TGS1: variants seen among roughly 807,000 people sequenced by gnomAD.
The protein encoded by TGS1 is trimethylguanosine synthase.
Under a neutral mutation model 92.2 loss-of-function variants are expected in TGS1, and 69 were observed. The observed-to-expected ratio is 0.75, with a 90% CI of 0.62 to 0.91. The LOEUF (loss-of-function observed/expected upper bound fraction) is 0.91. TGS1 is among the 40% of genes least tolerant of loss of function. The pLI, the probability that TGS1 is intolerant of heterozygous loss-of-function variation, is 0.00. For missense variants in TGS1, 1,062 were observed against 1,001.2 expected (o/e 1.06, Z -0.82); for synonymous variants, 345 against 338.1 (o/e 1.02, Z -0.22).
intron 10 of TGS1, among the ~76,000 whole-genome samples, chr8:55,806,437 CTTATGATTTACTTAG>C (rs1812375836): frequency 6.7e-6 from 1 of 149,354 alleles, no homozygotes; most frequent in Admixed American, 6.7e-5. Context: ...ATGTAGTTTC[CTTATGATTTACTTAG>C]TAACAATTTT....
chr8:55,814,672 A>ATATAT (rs1203670071), intron 12 of TGS1, among the ~76,000 whole-genome samples: 25 of 126,872 alleles, frequency 2.0e-4, no homozygotes, highest in Middle Eastern at 3.9e-3. Flanking sequence ...AAAAAAAAAA[A>ATATAT]AAATATATAT....
chr8:55,803,484 A>G (rs1328587776), intron 9 of TGS1, among the ~76,000 whole-genome samples: 1 of 152,188 alleles, frequency 6.6e-6, no homozygotes, highest in Non-Finnish European at 1.5e-5. Flanking sequence ...AACAATTTGC[A>G]AAATGCTGTG....
At chr8:55,774,788 AAACAAAT>A (rs1811337085) in intron 1 of TGS1, among the ~76,000 whole-genome samples, 1 of 152,246 alleles carries the variant, frequency 6.6e-6, no homozygotes, top group Non-Finnish European at 1.5e-5. Context: ...GATGCTGTGA[AAACAAAT>A]AACTTTCCAA....
At chr8:55,814,550 G>A (rs545487928) in intron 12 of TGS1, among the ~76,000 whole-genome samples, 49 of 151,536 alleles carry the variant, frequency 3.2e-4, no homozygotes, top group Middle Eastern at 3.4e-3. Flanking sequence ...GGGGCTGGGT[G>A]TGATGGCTCA....
intron 12 of TGS1, among the ~76,000 whole-genome samples, chr8:55,818,955 C>T (rs1460444441): frequency 1.3e-5 from 2 of 151,996 alleles, no homozygotes; most frequent in Non-Finnish European, 2.9e-5. Context: ...GGGTTTTTTT[C>T]TTCTTTGGAG....
At position 55,785,997 on chromosome 8, in the gene TGS1, C is replaced by G. The variant is rs563543563; in HGVS notation, c.339+106C>G. On this transcript the variant is annotated intron_variant, in intron 3 of 12. Transcript: ENST00000260129. ...TATATGCATTCACGATCAGCGCTCT[C>G]TACCTCTTTTTAAATGTATGTATTT... The G allele has an allele frequency of 2.9e-4, 261 of 891,210 alleles. 3 individuals are homozygous for G. The South Asian group carries it at 4.4e-3, about 15-fold the overall frequency. 55.2% of individuals were successfully genotyped at this position (891,210 alleles called of 1,614,324 possible).
chr8:55,789,955 A>G (rs891881884), intron 4 of TGS1: 36 of 402,232 alleles, frequency 9.0e-5, no homozygotes, highest in Non-Finnish European at 1.5e-4. Context: ...AAATGTATAC[A>G]TGGACAGTTT....
intron 12 of TGS1, among the ~76,000 whole-genome samples, chr8:55,814,670 A>ATATATATATATAT: frequency 7.7e-6 from 1 of 129,782 alleles, no homozygotes; most frequent in African/African-American, 3.3e-5. Context: ...AAAAAAAAAA[A>ATATATATATATAT]AAAAATATAT....
At position 55,806,212 on chromosome 8, in the gene TGS1, C is replaced by T. The variant is rs530800017; in HGVS notation, c.2143+1176C>T. ...CTCTCCTAAAAATACAAAAATTAGC[C>T]GGGCATGGTAGCGTGTGCCTGTAGT... On this transcript the variant is annotated intron_variant, in intron 10 of 12. Transcript: ENST00000260129. Among the ~76,000 whole-genome samples, 8 of 151,470 alleles carry T rather than the reference C, an allele frequency of 5.3e-5. No individual in the cohort carries two copies. In the South Asian group the frequency reaches 6.2e-4, roughly 12 times the overall value.
chr8:55,812,013 T>A (rs1803353594), intron 11 of TGS1, among the ~76,000 whole-genome samples: 1 of 152,212 alleles, frequency 6.6e-6, no homozygotes, highest in Non-Finnish European at 1.5e-5. Flanking sequence ...AAAGTATCCC[T>A]GGAGTTTGTC....
intron 12 of TGS1, among the ~76,000 whole-genome samples, chr8:55,817,603 T>C (rs1490925992): frequency 6.6e-6 from 1 of 152,216 alleles, no homozygotes; most frequent in Non-Finnish European, 1.5e-5. Context: ...CTAACTGGTT[T>C]CTAAATACTA....
In TGS1 at chr8:55,773,540, T is replaced by TA; in HGVS notation, c.-77dup. The stretch of plus-strand genomic sequence containing the variant: ...CAGGGCTTGCGGGCGAGGCCTGTTT[T>TA]AAGTCTCCAGTAACCGAGCGGAGGC... On this transcript the variant is annotated 5_prime_UTR_variant, in exon 1 of 13. Coordinates refer to ENST00000260129, the MANE Select transcript of TGS1 (RefSeq NM_024831.8). The TA allele has an allele frequency of 4.4e-6, 5 of 1,124,806 alleles. No individual in the cohort carries two copies. The East Asian group carries it at 1.3e-4, about 29-fold the overall frequency. 69.7% of individuals were successfully genotyped at this position (1,124,806 alleles called of 1,614,324 possible).
intron 1 of TGS1, among the ~76,000 whole-genome samples, chr8:55,777,662 C>T (rs187876440): frequency 1.7e-4 from 26 of 152,026 alleles, no homozygotes; most frequent in Admixed American, 1.1e-3. Flanking sequence ...GCCTCAGCTT[C>T]CCAAGTAGCT....
At chr8:55,781,190 A>G (rs961523632) in intron 1 of TGS1, among the ~76,000 whole-genome samples, 1 of 152,198 alleles carries the variant, frequency 6.6e-6, no homozygotes, top group African/African-American at 2.4e-5. Flanking sequence ...CATATGTAAC[A>G]CTTTTAAAAA....
chr8:55,789,635 C>T (rs1332673772), intron 4 of TGS1, among the ~76,000 whole-genome samples: 1 of 152,124 alleles, frequency 6.6e-6, no homozygotes, highest in African/African-American at 2.4e-5. Context: ...GAGCAAAGAA[C>T]GATTCTCGAA....
At chr8:55,776,949 G>GT (rs112116576) in intron 1 of TGS1, among the ~76,000 whole-genome samples, 64 of 149,916 alleles carry the variant, frequency 4.3e-4, no homozygotes, top group East Asian at 3.9e-3. Flanking sequence ...TTGTTTGTTG[G>GT]TTTTTTTTTG....
chr8:55,787,025 C>G lies in TGS1; in HGVS notation c.1127C>G (p.Ser376Ter). 1.2e-6 allele frequency: 2 copies of G among 1,613,718 alleles called. No homozygotes were observed. The highest frequency in any genetic ancestry group is 1.7e-6 in the Non-Finnish European group (2 of 1,179,802). The change falls in exon 4 of 13, where the codon TCA (serine) becomes TGA (stop). Residue 376 changes from serine (S) to a stop codon, truncating the protein, a stop_gained. Coordinates refer to ENST00000260129, the MANE Select transcript of TGS1 (RefSeq NM_024831.8). LOFTEE classifies it high-confidence loss of function. ...RNGGTNEESN[S>*]SGNTNTDPPA... Reference sequence around the variant, plus strand: ...GGAGGAACCAATGAGGAAAGCAACTCATCGGGGAATACAAACACAGACCCA... The same window carrying G: ...GGAGGAACCAATGAGGAAAGCAACTGATCGGGGAATACAAACACAGACCCA...
At chr8:55,792,573 G>T in intron 5 of TGS1, 125 bp from the exon 6 acceptor site, 2 of 611,562 alleles carry the variant, frequency 3.3e-6, no homozygotes, top group East Asian at 5.4e-5. Context: ...CTGGATTTGT[G>T]AACTATGGTT....
At chr8:55,786,143 A>G in intron 3 of TGS1, 95 bp from the exon 4 acceptor site, 1 of 798,518 alleles carries the variant, frequency 1.3e-6, no homozygotes, top group Non-Finnish European at 1.9e-6. Context: ...GCTTTAGAGT[A>G]TTTTGTTTAA....
Sources: gnomAD v4.1 joint callset for allele counts (sites outside exome capture counted in the v4.1 genomes callset) on GRCh38, gnomAD v4.1.1 for gene constraint, MANE v1.5 for transcripts, NCBI Gene and HGNC (gene_info 2026-07-23, HGNC 2026-07-21) for gene names.